GSTZ1: variants seen among roughly 807,000 people sequenced by gnomAD.
The protein encoded by GSTZ1 is glutathione S-transferase zeta 1.
In GSTZ1, 34 loss-of-function variants were observed where a neutral mutation model predicts 35.9. That is an observed-to-expected ratio of 0.95 (90% confidence interval 0.72 to 1.26). GSTZ1 has a LOEUF of 1.26. Among genes scored for constraint, GSTZ1 ranks in the 50% most tolerant of loss-of-function variants. The pLI is 0.00. For synonymous variants in GSTZ1, 93 were observed against 101.2 expected (o/e 0.92, Z 0.49); for missense variants, 263 against 271.7 (o/e 0.97, Z 0.23).
intron 1 of GSTZ1, 183 bp downstream of exon 1, chr14:77,321,366 G>T: frequency 6.5e-7 from 1 of 1,530,912 alleles, no homozygotes; most frequent in Admixed American, 2.0e-5. Flanking sequence ...CGAAGTTCCG[G>T]GAGGGTTGGG....
In GSTZ1 at chr14:77,329,784, G is replaced by A. The variant is rs539439216; in HGVS notation, c.451G>A (p.Gly151Ser). The change falls in exon 7 of 9, where the codon GGC becomes AGC. Residue 151 changes from glycine (G) to serine (S), a missense_variant. Coordinates refer to ENST00000216465, the MANE Select transcript of GSTZ1 (RefSeq NM_145870.3). The stretch of plus-strand genomic sequence containing the variant: ...GGAGCAGATCCTACAGAGCACAGCG[G>A]GCATATACTGTGTAGGAGACGAGGT... ...ALEQILQSTA[G>S]IYCVGDEVTM... is the part of the protein sequence containing the mutation. The A allele has an allele frequency of 1.6e-5, 26 of 1,613,802 alleles. No individual in the cohort carries two copies. The highest frequency in any genetic ancestry group is 3.3e-4 in the Middle Eastern group (2 of 6,062).
At chr14:77,327,749 G>A in intron 4 of GSTZ1, 163 bp from the exon 5 acceptor site, 1 of 749,370 alleles carries the variant, frequency 1.3e-6, no homozygotes. Flanking sequence ...AGTTCTGCAT[G>A]ATAAGGTCCA....
chr14:77,330,902 C>G (rs985284907), intron 8 of GSTZ1, among the ~76,000 whole-genome samples, 167 bp from the exon 9 acceptor site: 1 of 152,156 alleles, frequency 6.6e-6, no homozygotes, highest in African/African-American at 2.4e-5. Context: ...CCAAATGATA[C>G]TGCACAAGAC....
At chr14:77,324,078 C>T (rs969478530) in intron 1 of GSTZ1, 5 of 161,114 alleles carry the variant, frequency 3.1e-5, no homozygotes, top group Non-Finnish European at 6.9e-5. Flanking sequence ...AACCAGGCCA[C>T]GCTCTGTTGG....
intron 5 of GSTZ1, chr14:77,328,298 G>C: frequency 2.0e-6 from 1 of 497,886 alleles, no homozygotes; most frequent in Non-Finnish European, 3.6e-6. Context: ...GAAAGGGCCA[G>C]AATGGCAGGG....
rs973344827 is a variant in GSTZ1, at chr14:77,321,797, A to G, written c.15+614A>G. Among the ~76,000 whole-genome samples the G allele has an allele frequency of 3.7e-4, 56 of 151,336 alleles. 1 individual carries two copies. Among genetic ancestry groups the G allele is most frequent in the South Asian group, 2.1e-4 (1 of 4,780 alleles). On this transcript the variant is annotated intron_variant, in intron 1 of 8. Transcript: ENST00000216465. The stretch of plus-strand genomic sequence containing the variant: ...ACTCGGGAGGCTGAGGCAGGAGAAT[A>G]GCGTGAACCCAGGAGGCGGAGCTTG...
chr14:77,329,325 A>T (rs8177569), intron 6 of GSTZ1, 124 bp downstream of exon 6: 5 of 731,870 alleles, frequency 6.8e-6, no homozygotes, highest in Non-Finnish European at 1.2e-5. Context: ...TGCATGGATG[A>T]GGGCAGGACT....
chr14:77,327,068 G>A (rs1359568437), intron 3 of GSTZ1, 163 bp downstream of exon 3: 4 of 632,628 alleles, frequency 6.3e-6, no homozygotes, highest in East Asian at 2.7e-5. Flanking sequence ...AGGTGGCAAG[G>A]TGTGCAGTAG....
chr14:77,324,661 G>A, intron 1 of GSTZ1: 5 of 1,431,456 alleles, frequency 3.5e-6, no homozygotes, highest in African/African-American at 2.8e-5. Flanking sequence ...CCCTTTGGGG[G>A]CCTCTTGGAC....
At position 77,321,174 on chromosome 14, in the gene GSTZ1, G is replaced by A. The variant is rs1891914236; in HGVS notation, c.6G>A (p.Gln2=). Residue 2 remains glutamine, a synonymous_variant, in exon 1 of 9, where the codon CAG becomes CAA. Coordinates refer to ENST00000216465, the MANE Select transcript of GSTZ1 (RefSeq NM_145870.3). ...GGGGTCGCGCGAAGTGCCAGATGCA[G>A]GCGGGGAAGGTCTGTGACGCGCACC... M[Q]AGKPILYSYF... 4.8e-6 allele frequency: 7 copies of A among 1,464,926 alleles called. No individual in the cohort carries two copies. The Admixed American group carries it at 1.0e-4, about 22-fold the overall frequency. 90.7% of individuals were successfully genotyped at this position (1,464,926 alleles called of 1,614,324 possible).
At chr14:77,324,618 G>C in intron 1 of GSTZ1, 2 of 1,530,660 alleles carry the variant, frequency 1.3e-6, no homozygotes, top group Non-Finnish European at 1.8e-6. Flanking sequence ...ACAGAGTCTG[G>C]CAAGGTATGG....
rs755616350 is a variant in GSTZ1, at chr14:77,327,866, A to G, written c.217-46A>G. The G allele has an allele frequency of 1.3e-5, 21 of 1,605,854 alleles. No individual in the cohort carries two copies. The East Asian group carries it at 4.0e-4, about 31-fold the overall frequency. On this transcript the variant is annotated intron_variant, in intron 4 of 8. Coordinates refer to ENST00000216465, the MANE Select transcript of GSTZ1 (RefSeq NM_145870.3). ...TTGCTGGCCCTGTCCCCTCTGGTCCAGGGGTCCTGGGCCCTCTCCCTGCCT... is the reference window on the plus strand; with the variant it reads ...TTGCTGGCCCTGTCCCCTCTGGTCCGGGGGTCCTGGGCCCTCTCCCTGCCT...
intron 1 of GSTZ1, 123 bp from the exon 2 acceptor site, chr14:77,324,747 G>T: frequency 8.6e-7 from 1 of 1,167,774 alleles, no homozygotes; most frequent in South Asian, 1.3e-5. Context: ...AGTCTGCCCT[G>T]ATTTGCACAG....
chr14:77,324,856 C>G lies in GSTZ1; in HGVS notation c.16-14C>G. The G allele has an allele frequency of 1.9e-6, 3 of 1,613,560 alleles. No individual in the cohort carries two copies. The highest frequency in any genetic ancestry group is 2.5e-6 in the Non-Finnish European group (3 of 1,179,404). Reference sequence around the variant, plus strand: ...GCATGGGTTAACACGCGCCTTCATCCTCTCTCTCCTCAGCCCATCCTCTAT... The same window carrying G: ...GCATGGGTTAACACGCGCCTTCATCGTCTCTCTCCTCAGCCCATCCTCTAT... On this transcript the variant is annotated splice_polypyrimidine_tract_variant and intron_variant, in intron 1 of 8. Transcript: ENST00000216465.
Position 77,324,576 on chromosome 14 carries a change from C to T in GSTZ1, c.16-294C>T, listed in dbSNP as rs761811154. On this transcript the variant is annotated intron_variant, in intron 1 of 8. Transcript: ENST00000216465. Reference sequence around the variant, plus strand: ...AGAAGCTGTGCCAGAGGGGACATTTCCTGGGAGGCTGAGGGTCACCACGAT... The same window carrying T: ...AGAAGCTGTGCCAGAGGGGACATTTTCTGGGAGGCTGAGGGTCACCACGAT... 3.9e-6 allele frequency: 6 copies of T among 1,532,744 alleles called. No individual in the cohort carries two copies. The South Asian group carries it at 7.1e-5, about 18-fold the overall frequency. The allele number at this position is 1,532,744 out of a possible 1,614,324, so 94.9% of individuals were successfully genotyped here. A position where few individuals can be genotyped will look rare whatever the true frequency, so the allele number is the denominator to read the frequency against.
chr14:77,327,612 G>T, intron 4 of GSTZ1, 60 bp downstream of exon 4: 1 of 1,125,084 alleles, frequency 8.9e-7, no homozygotes, highest in South Asian at 1.3e-5. Flanking sequence ...GAGAGCGCCT[G>T]ACATCTCTTC....
intron 2 of GSTZ1, 29 bp from the exon 3 acceptor site, chr14:77,326,809 T>C: frequency 3.2e-6 from 5 of 1,549,568 alleles, no homozygotes; most frequent in Non-Finnish European, 4.4e-6. Context: ...AGGCTGTTCT[T>C]TGACTCCGCT....
chr14:77,321,175 G>A lies in GSTZ1; in HGVS notation c.7G>A (p.Ala3Thr). 7 of 1,465,252 alleles carry A rather than the reference G, an allele frequency of 4.8e-6. No homozygotes were observed. Among genetic ancestry groups the A allele is most frequent in the Non-Finnish European group, 6.4e-6 (7 of 1,101,938 alleles). 90.8% of individuals were successfully genotyped at this position (1,465,252 alleles called of 1,614,324 possible). A position where few individuals can be genotyped will look rare whatever the true frequency, so the allele number is the denominator to read the frequency against. Residue 3 changes from alanine to threonine, a missense_variant, in exon 1 of 9, where the codon GCG becomes ACG. Coordinates refer to ENST00000216465, the MANE Select transcript of GSTZ1 (RefSeq NM_145870.3). MQ[A>T]GKPILYSYFR... ...GGGTCGCGCGAAGTGCCAGATGCAG[G>A]CGGGGAAGGTCTGTGACGCGCACCC...
At position 77,321,112 on chromosome 14, in the gene GSTZ1, G is replaced by T. The variant is rs892631937; in HGVS notation, c.-57G>T. 2 of 1,436,156 alleles carry T rather than the reference G, an allele frequency of 1.4e-6. No homozygotes were observed. The highest frequency in any genetic ancestry group is 2.9e-5 in the Admixed American group (1 of 34,628). 89.0% of individuals were successfully genotyped at this position (1,436,156 alleles called of 1,614,324 possible). On this transcript the variant is annotated 5_prime_UTR_variant, in exon 1 of 9. Transcript: ENST00000216465. ...GAGTCTCACTGAGCCTTAGTCGTCG[G>T]CAGGTCCCAGGCGCGAAGTTTCTCG...
Sources: gnomAD v4.1 joint callset for allele counts (sites outside exome capture counted in the v4.1 genomes callset) on GRCh38, gnomAD v4.1.1 for gene constraint, MANE v1.5 for transcripts, NCBI Gene and HGNC (gene_info 2026-07-23, HGNC 2026-07-21) for gene names.